Variants in PDXDC1 observed in about 807,000 individuals in gnomAD.
The protein encoded by PDXDC1 is pyridoxal dependent decarboxylase domain containing 1.
A neutral mutation model predicts 100.1 loss-of-function variants in PDXDC1; 42 were observed. That is an observed-to-expected ratio of 0.42 (90% CI 0.33 to 0.54). The LOEUF (loss-of-function observed/expected upper bound fraction) is 0.54. Among genes scored for constraint, PDXDC1 ranks in the 20% least tolerant of loss-of-function variants. The probability of loss-of-function intolerance (pLI) is 0.10; values close to 1 mark genes in which losing one functional copy is unlikely to be tolerated. For synonymous variants in PDXDC1, 260 were observed against 371.7 expected (o/e 0.70, Z 3.46); for missense variants, 636 against 979.2 (o/e 0.65, Z 4.68).
intron 16 of PDXDC1, chr16:15,127,203 C>T (rs921887271): frequency 1.4e-5 from 6 of 415,186 alleles, no homozygotes; most frequent in Admixed American, 3.4e-5. Context: ...CTTGCTTCTT[C>T]TGAGTTATCT....
intron 16 of PDXDC1, among the ~76,000 whole-genome samples, chr16:15,079,016 T>G (rs10153173): frequency 1.3e-5 from 2 of 152,100 alleles, no homozygotes; most frequent in African/African-American, 4.8e-5. Flanking sequence ...TTCACCATGT[T>G]AGCCAGGATG....
chr16:15,090,117 G>A (rs986787512), intron 16 of PDXDC1, among the ~76,000 whole-genome samples: 3 of 152,000 alleles, frequency 2.0e-5, no homozygotes, highest in Non-Finnish European at 4.4e-5. Flanking sequence ...GGCTGAGGCA[G>A]GAGAATTGCT....
the PDXDC1 span, among the ~76,000 whole-genome samples, chr16:15,149,187 G>A: frequency 8.6e-3 from 1,307 of 152,268 alleles, 6 homozygotes; most frequent in Middle Eastern, 0.037. Flanking sequence ...TGCCCCTTGG[G>A]GACTCTCTCT....
At chr16:14,975,012 C>T, upstream of PDXDC1, 3 of 1,534,510 alleles carry the variant, frequency 2.0e-6, no homozygotes, top group Middle Eastern at 1.7e-4. Flanking sequence ...CGCTACGGGG[C>T]CCCGCCCCGC....
rs796349500 is a variant in PDXDC1 at position 15,000,360 on chromosome 16, G to C, written c.162-1416G>C. ...AAATCCATAACGTCCGGCTTGGCAA[G>C]TTGGAATAGCTTGCTCGAGGTCATG... On this transcript the variant is annotated intron_variant, in intron 3 of 22. Coordinates refer to ENST00000396410, the MANE Select transcript of PDXDC1 (RefSeq NM_015027.4). Among the ~76,000 whole-genome samples, 7 of 152,406 alleles carry C rather than the reference G, an allele frequency of 4.6e-5. No individual in the cohort carries two copies. The South Asian group carries it at 1.0e-3, about 23-fold the overall frequency.
At chr16:15,072,850 AATT>A (rs2045294685) in intron 16 of PDXDC1, 2 of 1,208,298 alleles carry the variant, frequency 1.7e-6, no homozygotes, top group African/African-American at 3.1e-5. Flanking sequence ...CAAAGAAAAG[AATT>A]ATTTACTTCA....
chr16:15,127,333 G>A (rs1035688259), intron 16 of PDXDC1: 3 of 681,090 alleles, frequency 4.4e-6, no homozygotes, highest in African/African-American at 3.6e-5. Flanking sequence ...GGCTGCTCAA[G>A]TGTGTTGACC....
At chr16:15,104,773 G>A (rs1299957607) in intron 16 of PDXDC1, 3 of 1,591,722 alleles carry the variant, frequency 1.9e-6, no homozygotes, top group African/African-American at 2.7e-5. Flanking sequence ...AGGGCCAAAG[G>A]AGGGAATGTT....
chr16:15,032,800 C>G lies in PDXDC1; in HGVS notation c.1572-61C>G, dbSNP rs372207455. On this transcript the variant is annotated intron_variant, in intron 17 of 22. Transcript: ENST00000396410. ...TGCTAATATTTAGAGGTTTCTAATC[C>G]TGTATCAGAAGAGACATTTGATCTT... 5.7e-5 allele frequency: 55 copies of G among 956,542 alleles called. No homozygotes were observed. In the African/African-American group the frequency reaches 7.5e-4, roughly 13 times the overall value. 59.3% of individuals were successfully genotyped at this position (956,542 alleles called of 1,614,324 possible).
At chr16:15,026,602 G>C (rs1185010056) in intron 13 of PDXDC1, 41 bp from the exon 14 acceptor site, 1 of 1,560,822 alleles carries the variant, frequency 6.4e-7, no homozygotes, top group African/African-American at 1.4e-5. Context: ...GGCGTCTGGA[G>C]TTTAATGTTA....
chr16:15,056,915 C>T (rs1178918239), intron 16 of PDXDC1, among the ~76,000 whole-genome samples: 1 of 152,062 alleles, frequency 6.6e-6, no homozygotes, highest in Non-Finnish European at 1.5e-5. Context: ...GGGCTGGGAA[C>T]CGTGGGGGAA....
chr16:14,986,154 T>C (rs1425258532), intron 1 of PDXDC1, among the ~76,000 whole-genome samples: 1 of 152,238 alleles, frequency 6.6e-6, no homozygotes, highest in Non-Finnish European at 1.5e-5. Flanking sequence ...GTAGGGCTTG[T>C]TTTATAAAAT....
intron 16 of PDXDC1, among the ~76,000 whole-genome samples, chr16:15,090,989 C>G (rs1212950462): frequency 1.3e-5 from 2 of 151,972 alleles, no homozygotes; most frequent in East Asian, 1.9e-4. Flanking sequence ...GGTTTCCCAG[C>G]CTCAACACTG....
intron 16 of PDXDC1, chr16:15,086,147 C>G: frequency 6.2e-7 from 1 of 1,600,630 alleles, no homozygotes; most frequent in Non-Finnish European, 8.5e-7. Context: ...AAATGGGAAG[C>G]AATCATGCTG....
downstream of PDXDC1, among the ~76,000 whole-genome samples, chr16:15,140,578 A>C (rs1459839496): frequency 6.6e-6 from 1 of 152,186 alleles, no homozygotes; most frequent in East Asian, 1.9e-4. Context: ...GCCATGGGAA[A>C]GACATCCCAT....
At chr16:15,137,668 C>G in intron 16 of PDXDC1, 1 of 1,206,028 alleles carries the variant, frequency 8.3e-7, no homozygotes, top group Non-Finnish European at 1.2e-6. Context: ...CCCAGAGAGG[C>G]CTTCCTGAGC....
At chr16:15,040,856 T>C (rs1360598397), downstream of PDXDC1, among the ~76,000 whole-genome samples, 1 of 152,126 alleles carries the variant, frequency 6.6e-6, no homozygotes, top group African/African-American at 2.4e-5. Context: ...TTCTTCAAAG[T>C]CTTAAGAAGT....
the PDXDC1 span, among the ~76,000 whole-genome samples, chr16:15,144,538 G>A: frequency 6.6e-6 from 1 of 152,258 alleles, no homozygotes; most frequent in African/African-American, 2.4e-5. Context: ...CCAGGCCCCA[G>A]GCAACAGAGC....
chr16:14,987,855 A>T (rs1413245060), intron 1 of PDXDC1, among the ~76,000 whole-genome samples: 9 of 151,312 alleles, frequency 5.9e-5, no homozygotes, highest in Non-Finnish European at 1.2e-4. Flanking sequence ...CAGGTGATCC[A>T]CCAACCTTGG....
Sources: gnomAD v4.1 joint callset for allele counts (sites outside exome capture counted in the v4.1 genomes callset) on GRCh38, gnomAD v4.1.1 for gene constraint, MANE v1.5 for transcripts, NCBI Gene and HGNC (gene_info 2026-07-23, HGNC 2026-07-21) for gene names.